Variants in MFHAS1 observed in about 807,000 individuals in gnomAD.
MFHAS1 encodes the protein multifunctional ROCO family signaling regulator 1, also known as malignant fibrous histiocytoma-amplified sequence 1.
MFHAS1 carries 50 observed loss-of-function variants against 70.4 expected under a neutral mutation model. The ratio of observed to expected loss-of-function variants is 0.71; its 90% CI spans 0.57 to 0.90. The LOEUF is 0.90. Among genes scored for constraint, MFHAS1 ranks in the 40% least tolerant of loss-of-function variants. MFHAS1 has a pLI of 0.00. For synonymous variants in MFHAS1, 952 were observed against 620.0 expected, an observed-to-expected ratio of 1.54 and a Z score of -7.96; for missense variants, 1,795 against 1,347.6, an observed-to-expected ratio of 1.33 and a Z score of -5.20.
intron 2 of MFHAS1, among the ~76,000 whole-genome samples, chr8:8,789,532 C>T (rs78979190): frequency 0.023 from 3,477 of 152,216 alleles, 143 homozygotes; most frequent in African/African-American, 0.079. Flanking sequence ...TCTGCCCTTC[C>T]AGGATGCAAC....
chr8:8,891,489 C>A lies in MFHAS1; in HGVS notation c.1570G>T (p.Gly524Trp), dbSNP rs760032458. 2.5e-6 allele frequency: 4 copies of A among 1,613,036 alleles called. No homozygotes were observed. The highest frequency in any genetic ancestry group is 2.7e-5 in the African/African-American group (2 of 75,052). ...ACCACCGCGTGGGGCACTCTCGCCC[C>A]GACCCGATGCAAGAAGGAGCCCACG... ...TTVGSFLHRVGARVPHAVVCI... is the reference protein window; with the variant it reads ...TTVGSFLHRVWARVPHAVVCI... The change falls in exon 1 of 3, where the codon GGG becomes TGG. Residue 524 changes from glycine (G) to tryptophan (W), a missense_variant. By Grantham distance (184) the Gly-to-Trp change is radical. Transcript: ENST00000276282. The surrounding 1 kb of genome is among the most constrained non-coding windows in gnomAD (Gnocchi z 5.4).
rs912747178 is a variant in MFHAS1 at position 8,840,447 on chromosome 8, A to T, written c.2999-42956T>A. Among the ~76,000 whole-genome samples the T allele has an allele frequency of 3.1e-4, 42 of 135,972 alleles. 1 individual carries two copies. The highest frequency in any genetic ancestry group is 8.3e-3 in the Middle Eastern group (2 of 240). 89.2% of individuals were successfully genotyped at this position (135,972 alleles called of 152,430 possible). On this transcript the variant is annotated intron_variant, in intron 1 of 2. Coordinates refer to ENST00000276282, the MANE Select transcript of MFHAS1 (RefSeq NM_004225.3). ...ACTCTAGCCTGGGCCACAGAGTGAG[A>T]CTCCATCTCAATACAAAAAAAAAAA...
chr8:8,799,699 T>G (rs546402374), intron 1 of MFHAS1, among the ~76,000 whole-genome samples: 14 of 152,148 alleles, frequency 9.2e-5, no homozygotes, highest in Non-Finnish European at 2.1e-4. Flanking sequence ...GAGGTTTCAG[T>G]GAGCTGAGAT....
intron 2 of MFHAS1, among the ~76,000 whole-genome samples, chr8:8,795,054 G>A (rs893510656): frequency 1.3e-5 from 2 of 152,144 alleles, no homozygotes; most frequent in Admixed American, 6.5e-5. Flanking sequence ...CCTATTCGAC[G>A]GCACTTGGCT....
chr8:8,812,987 A>T (rs1456227738), intron 1 of MFHAS1, among the ~76,000 whole-genome samples: 1 of 152,156 alleles, frequency 6.6e-6, no homozygotes, highest in Non-Finnish European at 1.5e-5. Context: ...GGATGGTCTC[A>T]AACTTGTGAC....
intron 2 of MFHAS1, among the ~76,000 whole-genome samples, chr8:8,789,857 G>A (rs1280772342): frequency 6.6e-6 from 1 of 151,894 alleles, no homozygotes; most frequent in Non-Finnish European, 1.5e-5. Context: ...GACGACTAAG[G>A]CAACCCCTCT....
intron 1 of MFHAS1, among the ~76,000 whole-genome samples, chr8:8,829,739 C>T (rs1260216970): frequency 6.6e-6 from 1 of 152,170 alleles, no homozygotes; most frequent in Non-Finnish European, 1.5e-5. Context: ...GGGGTATCCT[C>T]AGTGCCTGAC....
At chr8:8,864,508 T>G (rs1808786451) in intron 1 of MFHAS1, among the ~76,000 whole-genome samples, 1 of 152,264 alleles carries the variant, frequency 6.6e-6, no homozygotes, top group African/African-American at 2.4e-5. Context: ...TTAACCTTGA[T>G]GTGTTTCAGA....
intron 1 of MFHAS1, among the ~76,000 whole-genome samples, chr8:8,802,646 T>G (rs1482075993): frequency 6.6e-6 from 1 of 152,188 alleles, no homozygotes; most frequent in Non-Finnish European, 1.5e-5. Flanking sequence ...GAGCAGCTCC[T>G]TGCATGGTGG....
At chr8:8,831,694 C>T (rs1257696752) in intron 1 of MFHAS1, among the ~76,000 whole-genome samples, 3 of 152,004 alleles carry the variant, frequency 2.0e-5, no homozygotes, top group East Asian at 3.9e-4. Context: ...CTGCAACCTC[C>T]GCCTCCCAGG....
chr8:8,803,655 T>C (rs1806164327), intron 1 of MFHAS1, among the ~76,000 whole-genome samples: 1 of 152,124 alleles, frequency 6.6e-6, no homozygotes, highest in Non-Finnish European at 1.5e-5. Context: ...TTAGTTATTA[T>C]AGGTAACCTA....
At chr8:8,800,956 C>A (rs1385305536) in intron 1 of MFHAS1, among the ~76,000 whole-genome samples, 1 of 152,126 alleles carries the variant, frequency 6.6e-6, no homozygotes, top group Non-Finnish European at 1.5e-5. Context: ...TGGCTCACAC[C>A]TGTAATCCCA....
Position 8,820,875 on chromosome 8 carries a change from C to T in MFHAS1, c.2999-23384G>A, listed in dbSNP as rs145107042. The stretch of plus-strand genomic sequence containing the variant: ...GGAATTAAATGATCTAAGTGGAGAG[C>T]CACTGGATGCTTTGAACAAACCCAC... On this transcript the variant is annotated intron_variant, in intron 1 of 2. Coordinates refer to ENST00000276282, the MANE Select transcript of MFHAS1 (RefSeq NM_004225.3). Among the ~76,000 whole-genome samples, 705 of 152,302 alleles carry T rather than the reference C, an allele frequency of 4.6e-3. 22 individuals carry two copies. The highest frequency in any genetic ancestry group is 0.044 in the Admixed American group (670 of 15,296).
chr8:8,843,473 C>G (rs990641168), intron 1 of MFHAS1, among the ~76,000 whole-genome samples: 1 of 152,100 alleles, frequency 6.6e-6, no homozygotes, highest in Non-Finnish European at 1.5e-5. Flanking sequence ...CCCAGCTACT[C>G]AGGATGCTGA....
chr8:8,797,272 G>C, intron 2 of MFHAS1, 93 bp downstream of exon 2: 1 of 1,459,588 alleles, frequency 6.9e-7, no homozygotes, highest in South Asian at 1.3e-5. Flanking sequence ...CAAGGTTTGT[G>C]CAGATGCAGT....
At chr8:8,863,224 T>C (rs1563209633) in intron 1 of MFHAS1, among the ~76,000 whole-genome samples, 1 of 152,246 alleles carries the variant, frequency 6.6e-6, no homozygotes, top group East Asian at 1.9e-4. Flanking sequence ...TCTTAATTAC[T>C]ATAGCCGGAA....
chr8:8,833,595 C>G (rs1807490057), intron 1 of MFHAS1, among the ~76,000 whole-genome samples: 1 of 152,132 alleles, frequency 6.6e-6, no homozygotes, highest in Non-Finnish European at 1.5e-5. Flanking sequence ...CACGACCACA[C>G]TCTAGCCTGG....
intron 1 of MFHAS1, among the ~76,000 whole-genome samples, chr8:8,862,199 G>A (rs768028656): frequency 6.6e-6 from 1 of 152,126 alleles, no homozygotes; most frequent in Non-Finnish European, 1.5e-5. Flanking sequence ...ATTTGGTATG[G>A]TCAGTCTTTT....
At chr8:8,803,583 T>A (rs911633073) in intron 1 of MFHAS1, among the ~76,000 whole-genome samples, 1 of 132,630 alleles carries the variant, frequency 7.5e-6, no homozygotes, top group African/African-American at 2.6e-5. Flanking sequence ...ATAGACCTTT[T>A]TCTTGTCATT....
Sources: gnomAD v4.1 joint callset for allele counts (sites outside exome capture counted in the v4.1 genomes callset) on GRCh38, gnomAD v4.1.1 for gene constraint, Gnocchi (gnomAD v3.1) non-coding constraint, MANE v1.5 for transcripts, NCBI Gene and HGNC (gene_info 2026-07-23, HGNC 2026-07-21) for gene names.